Variants in LRBA observed in about 807,000 individuals in gnomAD.
LRBA encodes the protein lipopolysaccharide-responsive and beige-like anchor protein.
A neutral mutation model predicts 330.0 loss-of-function variants in LRBA; 176 were observed. That is an observed-to-expected ratio of 0.53 (90% CI 0.47 to 0.60). LRBA has a LOEUF of 0.60. Among genes scored for constraint, LRBA ranks in the 20% least tolerant of loss-of-function variants. The pLI, the probability that LRBA is intolerant of heterozygous loss-of-function variation, is 0.00. For synonymous variants in LRBA, 1,230 were observed against 1,193.0 expected (o/e 1.03, Z -0.64); for missense variants, 3,259 against 3,444.8 (o/e 0.95, Z 1.35).
intron 47 of LRBA, among the ~76,000 whole-genome samples, chr4:150,362,439 CT>C (rs1333535679): frequency 6.6e-6 from 1 of 152,152 alleles, no homozygotes; most frequent in Non-Finnish European, 1.5e-5. Context: ...ATATGAACTG[CT>C]ATCTAAAACC....
chr4:150,419,468 C>T (rs1331666746), intron 46 of LRBA, among the ~76,000 whole-genome samples: 1 of 151,972 alleles, frequency 6.6e-6, no homozygotes, highest in Non-Finnish European at 1.5e-5. Context: ...AAAAGAAGGT[C>T]CCTGCCCTAC....
At position 150,509,740 on chromosome 4, in the gene LRBA, G is replaced by C. The variant is rs148700142; in HGVS notation, c.6331-18705C>G. Among the ~76,000 whole-genome samples, 399 of 152,224 alleles carry C rather than the reference G, an allele frequency of 2.6e-3. 3 individuals are homozygous for C. Among genetic ancestry groups the C allele is most frequent in the Middle Eastern group, 0.017 (5 of 294 alleles). On this transcript the variant is annotated intron_variant, in intron 40 of 56. Transcript: ENST00000651943. ...TTATAACAGGAATTACCAATATTAG[G>C]AGAGAAGAGACATCAAAACAGATTT...
At chr4:150,931,653 A>G (rs1195317608) in intron 2 of LRBA, among the ~76,000 whole-genome samples, 2 of 151,694 alleles carry the variant, frequency 1.3e-5, no homozygotes, top group South Asian at 4.2e-4. Flanking sequence ...ATGCAGCCCT[A>G]GTACTCAGGA....
At chr4:150,844,807 G>A in intron 26 of LRBA, 28 bp from the exon 27 acceptor site, 2 of 1,585,082 alleles carry the variant, frequency 1.3e-6, no homozygotes, top group Non-Finnish European at 1.7e-6. Flanking sequence ...GAAAAGATAG[G>A]GAAAGAAAAG....
At chr4:150,767,869 C>T (rs993772058) in intron 34 of LRBA, among the ~76,000 whole-genome samples, 3 of 151,554 alleles carry the variant, frequency 2.0e-5, no homozygotes, top group African/African-American at 7.3e-5. Flanking sequence ...CAAGACCAAC[C>T]TGGCCAACAT....
chr4:150,649,693 A>G (rs1405556718), intron 37 of LRBA, among the ~76,000 whole-genome samples: 6 of 152,184 alleles, frequency 3.9e-5, no homozygotes, highest in African/African-American at 1.2e-4. Flanking sequence ...TTACTTACTA[A>G]GCATTAATAT....
chr4:150,912,719 T>G (rs1466816748), intron 9 of LRBA, among the ~76,000 whole-genome samples: 1 of 152,176 alleles, frequency 6.6e-6, no homozygotes, highest in African/African-American at 2.4e-5. Context: ...GCTCGGATTT[T>G]TATCATTTCC....
chr4:150,699,131 G>C (rs901771144), intron 36 of LRBA, among the ~76,000 whole-genome samples: 2 of 152,156 alleles, frequency 1.3e-5, no homozygotes, highest in African/African-American at 4.8e-5. Context: ...TTCTCTAAGA[G>C]AGGAAGCAGG....
In LRBA at chr4:150,852,104, T is replaced by C. The variant is rs1290237388; in HGVS notation, c.3606A>G (p.Glu1202=). Residue 1202 remains glutamate (E), a synonymous_variant, in exon 23 of 57, where the codon GAA becomes GAG. Coordinates refer to ENST00000651943, the MANE Select transcript of LRBA (RefSeq NM_001364905.1). ...PETTVSQIAV[E]SDLGQMLEEG... ...CCTCCAGCATCTGACCAAGGTCTGA[T>C]TCTACAGCTATTTGGGAAACAGTAG... 4 of 1,614,050 alleles carry C rather than the reference T, an allele frequency of 2.5e-6. No homozygotes were observed. The African/African-American group carries it at 5.3e-5, about 22-fold the overall frequency.
At position 150,651,062 on chromosome 4, in the gene LRBA, T is replaced by C. The variant is rs534282750; in HGVS notation, c.5921+32489A>G. On this transcript the variant is annotated intron_variant, in intron 37 of 56. Coordinates refer to ENST00000651943, the MANE Select transcript of LRBA (RefSeq NM_001364905.1). ...AACAAGCAAACCTTATTACTTGCAATTAAAATCCTCTTAAATTTTATGGCA... is the reference window on the plus strand; with the variant it reads ...AACAAGCAAACCTTATTACTTGCAACTAAAATCCTCTTAAATTTTATGGCA... Among the ~76,000 whole-genome samples, 24 of 152,334 alleles carry C rather than the reference T, an allele frequency of 1.6e-4. 1 individual carries two copies. In the South Asian group the frequency reaches 2.1e-3, roughly 13 times the overall value.
intron 2 of LRBA, among the ~76,000 whole-genome samples, chr4:150,949,703 A>G (rs889275751): frequency 3.9e-5 from 6 of 152,134 alleles, no homozygotes; most frequent in Admixed American, 3.3e-4. Context: ...AAAGAAAACT[A>G]TATTAACCTA....
intron 36 of LRBA, among the ~76,000 whole-genome samples, chr4:150,684,757 C>T (rs1425480054): frequency 1.3e-5 from 2 of 152,158 alleles, no homozygotes; most frequent in African/African-American, 4.8e-5. Flanking sequence ...CCCCCACACA[C>T]ATATCCTTTG....
intron 2 of LRBA, among the ~76,000 whole-genome samples, chr4:150,948,883 C>T (rs1027354681): frequency 6.6e-6 from 1 of 151,898 alleles, no homozygotes; most frequent in African/African-American, 2.4e-5. Flanking sequence ...ATTAAGACCA[C>T]AGTGGATATC....
intron 33 of LRBA, among the ~76,000 whole-genome samples, chr4:150,799,849 A>G (rs1741337532): frequency 6.6e-6 from 1 of 152,056 alleles, no homozygotes; most frequent in South Asian, 2.1e-4. Flanking sequence ...GGTTCAATCA[A>G]TTCTCCTGCC....
intron 38 of LRBA, chr4:150,597,043 A>G (rs759655471): frequency 1.9e-6 from 2 of 1,050,906 alleles, no homozygotes; most frequent in Non-Finnish European, 1.4e-6. Flanking sequence ...GAGTATGACA[A>G]TAATCATAAA....
chr4:150,761,855 A>C lies in LRBA; in HGVS notation c.5581-8T>G. On this transcript the variant is annotated splice_region_variant and splice_polypyrimidine_tract_variant and intron_variant, in intron 34 of 56. Transcript: ENST00000651943. ...AATAGAATTTTGCCACTCCTATAAAAAAAAAAGCAAAAATAGCTGAAGAAA... is the reference window on the plus strand; with the variant it reads ...AATAGAATTTTGCCACTCCTATAAACAAAAAAGCAAAAATAGCTGAAGAAA... 1 of 1,472,542 alleles carries C rather than the reference A, an allele frequency of 6.8e-7. No homozygotes were observed. 91.2% of individuals were successfully genotyped at this position (1,472,542 alleles called of 1,614,324 possible). A position where few individuals can be genotyped will look rare whatever the true frequency, so the allele number is the denominator to read the frequency against.
chr4:150,852,061 T>TA lies in LRBA; in HGVS notation c.3648dup (p.Asn1217Ter). 3 of 1,614,150 alleles carry TA rather than the reference T, an allele frequency of 1.9e-6. No homozygotes were observed. Among genetic ancestry groups the TA allele is most frequent in the Non-Finnish European group, 2.5e-6 (3 of 1,180,006 alleles). ...ATTAATTTGGTTTCTCTAGTGAGGT[T>TA]AGTTGCTTTCTTCCCTTCCTCCAGC... On this transcript the variant is annotated frameshift_variant, in exon 23 of 57. Transcript: ENST00000651943. LOFTEE classifies it high-confidence loss of function.
intron 36 of LRBA, among the ~76,000 whole-genome samples, chr4:150,702,162 A>C (rs1029541846): frequency 1.3e-5 from 2 of 152,206 alleles, no homozygotes; most frequent in Non-Finnish European, 2.9e-5. Flanking sequence ...TAGTAAGAAA[A>C]AATAGTATTA....
chr4:150,697,020 T>G (rs1397313327), intron 36 of LRBA, among the ~76,000 whole-genome samples: 1 of 113,624 alleles, frequency 8.8e-6, no homozygotes, highest in African/African-American at 3.4e-5. Context: ...CTCAAAAAAG[T>G]AAAAAGAAAA....
Sources: allele counts gnomAD v4.1 joint callset (sites outside exome capture counted in the v4.1 genomes callset), GRCh38; gene constraint gnomAD v4.1.1; transcripts MANE v1.5; gene names NCBI Gene and HGNC (gene_info 2026-07-23, HGNC 2026-07-21).